Variants in TPPP2 observed in about 807,000 individuals in gnomAD.
TPPP2 encodes the protein tubulin polymerization-promoting protein family member 2.
A neutral mutation model predicts 13.0 loss-of-function variants in TPPP2; 8 were observed. The observed-to-expected ratio is 0.62, with a 90% confidence interval of 0.36 to 1.11. The LOEUF (loss-of-function observed/expected upper bound fraction) is 1.11, where lower values mean the gene tolerates loss of function less well. Ranked by LOEUF, TPPP2 falls within the 50% of genes most tolerant of loss-of-function variation. The pLI is 0.02. For synonymous variants in TPPP2, 81 were observed against 81.8 expected (o/e 0.99, Z 0.05); for missense variants, 213 against 216.9 (o/e 0.98, Z 0.11).
At position 21,030,322 on chromosome 14, in the gene TPPP2, G is replaced by A; in HGVS notation, c.-70+18G>A. ...ACTCTAAGGTACATAAAAGAGGTAG[G>A]GGAAAGAGAGGATCATTCAGTAGGT... On this transcript the variant is annotated intron_variant, in intron 1 of 3. Transcript: ENST00000321760. 4.3e-6 allele frequency: 2 copies of A among 462,984 alleles called. No individual in the cohort carries two copies. The highest frequency in any genetic ancestry group is 7.9e-6 in the Non-Finnish European group (2 of 254,460). The allele number at this position is 462,984 out of a possible 1,614,324, so 28.7% of individuals were successfully genotyped here.
chr14:21,036,107 T>TGAGCTC, downstream of TPPP2: 1 of 443,912 alleles, frequency 2.3e-6, no homozygotes, highest in Non-Finnish European at 4.5e-6. Context: ...GTCCTCAGTA[T>TGAGCTC]GAGCCTGAGT....
chr14:21,024,645 C>A lies in TPPP2; in HGVS notation n.236+301C>A, dbSNP rs1445501349. On this transcript the variant is annotated intron_variant and non_coding_transcript_variant, in intron 1 of 1. Transcript: ENST00000533755. ...GTGGAGAAAGGGAGAGGAGAGCGGTCCCACAATCTTCTCCCGTTCTCCCCC... is the reference window on the plus strand; with the variant it reads ...GTGGAGAAAGGGAGAGGAGAGCGGTACCACAATCTTCTCCCGTTCTCCCCC... The A allele has an allele frequency of 3.0e-6, 3 of 985,350 alleles. No individual in the cohort carries two copies. The African/African-American group carries it at 5.2e-5, about 17-fold the overall frequency. The allele number at this position is 985,350 out of a possible 1,614,324, so 61.0% of individuals were successfully genotyped here.
downstream of TPPP2, chr14:21,033,602 G>C (rs2139088768): frequency 1.7e-6 from 1 of 588,302 alleles, no homozygotes; most frequent in Non-Finnish European, 3.0e-6. Context: ...GAGGAGGTGG[G>C]GGCGAAGAGG....
chr14:21,026,709 G>C (rs895011154), upstream of TPPP2, among the ~76,000 whole-genome samples: 4 of 152,056 alleles, frequency 2.6e-5, no homozygotes, highest in South Asian at 2.1e-4. Context: ...CCCCAATTTG[G>C]AGCACCCAAC....
chr14:21,033,915 T>C (rs757881661), downstream of TPPP2: 7 of 1,613,596 alleles, frequency 4.3e-6, no homozygotes, highest in Non-Finnish European at 5.9e-6. Flanking sequence ...GGTGCTATTG[T>C]AGTAGCAGCT....
In TPPP2 at chr14:21,032,242, G is replaced by A. The variant is rs1482557376; in HGVS notation, c.*165G>A. 1.3e-6 allele frequency: 1 copy of A among 748,346 alleles called. No homozygotes were observed. Among genetic ancestry groups the A allele is most frequent in the Non-Finnish European group, 2.3e-6 (1 of 429,022 alleles). 46.4% of individuals were successfully genotyped at this position (748,346 alleles called of 1,614,324 possible). On this transcript the variant is annotated 3_prime_UTR_variant, in exon 4 of 4. Coordinates refer to ENST00000321760, the MANE Select transcript of TPPP2 (RefSeq NM_173846.5). ...GAGGGAGAAGAGGCAGCACAGGAGG[G>A]TGGGTTCTCCACCACACACCCTTCG...
upstream of TPPP2, chr14:21,025,570 G>A (rs1256855105): frequency 2.0e-6 from 2 of 985,482 alleles, no homozygotes; most frequent in East Asian, 2.3e-4. This position sits in a 1 kb window ranked among gnomAD's most constrained non-coding sequence, Gnocchi z 5.1. Flanking sequence ...TGAGGAGGCG[G>A]GGGTCTCGCC....
At chr14:21,028,644 A>C (rs1479853376), upstream of TPPP2, 1 of 152,168 alleles carries the variant, frequency 6.6e-6, no homozygotes, top group Non-Finnish European at 1.5e-5. Context: ...TGAGCCACAG[A>C]ATATTCTTGA....
upstream of TPPP2, among the ~76,000 whole-genome samples, chr14:21,026,423 T>G (rs932313734): frequency 3.3e-5 from 5 of 151,208 alleles, no homozygotes; most frequent in African/African-American, 4.9e-5. Flanking sequence ...CAATGGAACT[T>G]GAGCTGCCAA....
At chr14:21,027,862 A>G (rs1952524), upstream of TPPP2, among the ~76,000 whole-genome samples, 47,135 of 152,030 alleles carry the variant, frequency 0.31, 7,703 homozygotes, top group African/African-American at 0.39. Context: ...CAACCATGGA[A>G]TACTTGAGTG....
chr14:21,025,845 C>A, upstream of TPPP2: 5 of 204,400 alleles, frequency 2.4e-5, no homozygotes, highest in Non-Finnish European at 4.1e-5. The surrounding 1 kb of genome is among the most constrained non-coding windows in gnomAD (Gnocchi z 5.1). Flanking sequence ...ACTCTGGGGT[C>A]AATGCCTCAA....
At chr14:21,025,712 C>CT, upstream of TPPP2, 1 of 985,094 alleles carries the variant, frequency 1.0e-6, no homozygotes, top group Non-Finnish European at 1.2e-6. The surrounding 1 kb of genome is among the most constrained non-coding windows in gnomAD (Gnocchi z 5.1). Flanking sequence ...CGCCTGCTCT[C>CT]CGGCTGCTCC....
downstream of TPPP2, chr14:21,032,977 G>A (rs1030772886): frequency 4.6e-5 from 21 of 456,134 alleles, no homozygotes; most frequent in Middle Eastern, 6.6e-4. Context: ...GATTAGAGCC[G>A]GGCCTGCCTC....
chr14:21,029,163 G>A (rs144134519), upstream of TPPP2: 11 of 152,300 alleles, frequency 7.2e-5, no homozygotes, highest in East Asian at 1.3e-3. Context: ...TTTCTATTGC[G>A]ACTGGCCTTT....
At chr14:21,030,161 G>A (rs1883961753), upstream of TPPP2, 1 of 159,126 alleles carries the variant, frequency 6.3e-6, no homozygotes, top group Non-Finnish European at 1.4e-5. Flanking sequence ...CAGAAGTGAT[G>A]TCACATAACC....
At chr14:21,031,714 C>T (rs564653708) in intron 3 of TPPP2, among the ~76,000 whole-genome samples, 178 bp from the exon 4 acceptor site, 48 of 152,266 alleles carry the variant, frequency 3.2e-4, no homozygotes, top group African/African-American at 1.1e-3. Flanking sequence ...CATGAGTGAA[C>T]GGCTCTTACC....
chr14:21,033,745 G>T (rs771895209), downstream of TPPP2: 18 of 1,050,090 alleles, frequency 1.7e-5, no homozygotes, highest in Non-Finnish European at 2.7e-5. Flanking sequence ...AGGAAGTCTT[G>T]TTACAGGGAT....
chr14:21,024,816 C>T, intron 1 of TPPP2: 1 of 985,582 alleles, frequency 1.0e-6, no homozygotes, highest in Non-Finnish European at 1.2e-6. Flanking sequence ...CGGTGCCAAG[C>T]GCCCCGGACC....
upstream of TPPP2, chr14:21,025,472 CG>C (rs1481220536): frequency 1.0e-6 from 1 of 985,332 alleles, no homozygotes; most frequent in African/African-American, 1.7e-5. The surrounding 1 kb of genome is among the most constrained non-coding windows in gnomAD (Gnocchi z 5.1). Context: ...GAGACGAACC[CG>C]GGATACTGAC....
Sources: gnomAD v4.1 joint callset for allele counts (sites outside exome capture counted in the v4.1 genomes callset) on GRCh38, gnomAD v4.1.1 for gene constraint, Gnocchi (gnomAD v3.1) non-coding constraint, MANE v1.5 for transcripts, NCBI Gene and HGNC (gene_info 2026-07-23, HGNC 2026-07-21) for gene names.